The following SH3RF1 variants were observed in gnomAD, a reference collection of about 807,000 sequenced individuals.
SH3RF1 encodes E3 ubiquitin-protein ligase SH3RF1.
A neutral mutation model predicts 74.0 loss-of-function variants in SH3RF1; 32 were observed. The observed-to-expected ratio is 0.43, with a 90% confidence interval of 0.33 to 0.58. The LOEUF is 0.58. SH3RF1 is among the 20% of genes least tolerant of loss of function. The pLI is 0.05. For missense variants in SH3RF1, 954 were observed against 1,130.9 expected, an observed-to-expected ratio of 0.84 and a Z score of 2.24; for synonymous variants, 396 against 439.6, an observed-to-expected ratio of 0.90 and a Z score of 1.24.
intron 2 of SH3RF1, among the ~76,000 whole-genome samples, chr4:169,184,084 C>A (rs1366500139): frequency 6.6e-6 from 1 of 152,172 alleles, no homozygotes; most frequent in Admixed American, 6.5e-5. Context: ...AGGACTAATG[C>A]AAATTCACTC....
rs762718410 is a variant in SH3RF1 at position 169,117,543 on chromosome 4, G to A, written c.1757C>T (p.Ala586Val). 1 of 1,614,204 alleles carries A rather than the reference G, an allele frequency of 6.2e-7. No individual in the cohort carries two copies. Among genetic ancestry groups the A allele is most frequent in the South Asian group, 1.1e-5 (1 of 91,080 alleles). ...CTTACCTGTCCTCACAGCATTGCGG[G>A]CCTGGTTGACTGTCATTTGCCCCGT... ...HMTGQMTVNQARNAVRTVAAH... is the reference protein window; with the variant it reads ...HMTGQMTVNQVRNAVRTVAAH... Residue 586 changes from alanine (A) to valine (V), a missense_variant, in exon 9 of 12, where the codon GCC becomes GTC. Coordinates refer to ENST00000284637, the MANE Select transcript of SH3RF1 (RefSeq NM_020870.4).
intron 2 of SH3RF1, among the ~76,000 whole-genome samples, chr4:169,228,158 A>C (rs1036730848): frequency 1.1e-4 from 17 of 152,242 alleles, no homozygotes; most frequent in African/African-American, 4.1e-4. Context: ...TACCTTCTGC[A>C]AGAATTAAAA....
chr4:169,157,871 G>C (rs946016694), intron 2 of SH3RF1, among the ~76,000 whole-genome samples: 5 of 151,910 alleles, frequency 3.3e-5, no homozygotes, highest in African/African-American at 4.8e-5. Context: ...CTCCCAAGTA[G>C]CTGGGATTGC....
At chr4:169,147,597 A>G (rs1030248471) in intron 4 of SH3RF1, among the ~76,000 whole-genome samples, 4 of 152,206 alleles carry the variant, frequency 2.6e-5, no homozygotes, top group Admixed American at 6.5e-5. Flanking sequence ...CTCTCAACAT[A>G]TGGAGGAATT....
chr4:169,246,904 T>C (rs1319553645), intron 2 of SH3RF1, among the ~76,000 whole-genome samples: 2 of 152,192 alleles, frequency 1.3e-5, no homozygotes, highest in South Asian at 2.1e-4. Context: ...AAAGAAAAAC[T>C]TGAATAATCT....
chr4:169,122,139 T>G lies in SH3RF1; in HGVS notation c.1307A>C (p.Asp436Ala). The G allele has an allele frequency of 6.2e-7, 1 of 1,613,028 alleles. No homozygotes were observed. Among genetic ancestry groups the G allele is most frequent in the Non-Finnish European group, 8.5e-7 (1 of 1,180,008 alleles). ...CTGCGGCCGTAAATGTGCAATCTGG[T>G]CAGTGGATCCTGCCATGGGCCTCGG... Reference protein sequence around the residue: ...MGPRPMAGSTDQIAHLRPQTR... With the variant: ...MGPRPMAGSTAQIAHLRPQTR... The change falls in exon 7 of 12, where the codon GAC (aspartate) becomes GCC (alanine). Residue 436 changes from aspartate (D) to alanine (A), a missense_variant. By Grantham distance (126) the Asp-to-Ala change is moderately radical. Around this residue, in one of 3 missense-constraint regions of SH3RF1, gnomAD observed 854 missense variants for 962.5 expected, o/e 0.89. Transcript: ENST00000284637.
At chr4:169,227,010 T>A (rs1730661792) in intron 2 of SH3RF1, among the ~76,000 whole-genome samples, 1 of 151,776 alleles carries the variant, frequency 6.6e-6, no homozygotes, top group South Asian at 2.1e-4. Context: ...CTATAAAAAG[T>A]GAAAAACTAG....
chr4:169,235,967 C>T (rs1730817676), intron 2 of SH3RF1, among the ~76,000 whole-genome samples: 1 of 152,226 alleles, frequency 6.6e-6, no homozygotes. Flanking sequence ...AGGCGTGAGC[C>T]ACCGTGCCTG....
chr4:169,221,938 T>C (rs1373607750), intron 2 of SH3RF1, among the ~76,000 whole-genome samples: 1 of 152,220 alleles, frequency 6.6e-6, no homozygotes, highest in Non-Finnish European at 1.5e-5. Context: ...GACTATGTAA[T>C]ACAAACTTCT....
intron 2 of SH3RF1, among the ~76,000 whole-genome samples, chr4:169,205,670 A>G (rs187844618): frequency 8.5e-5 from 13 of 152,316 alleles, no homozygotes; most frequent in African/African-American, 2.6e-4. Flanking sequence ...AAGGAGCCCA[A>G]TGAATGACGT....
chr4:169,205,403 A>C (rs923973066), intron 2 of SH3RF1, among the ~76,000 whole-genome samples: 3 of 152,214 alleles, frequency 2.0e-5, no homozygotes, highest in Non-Finnish European at 4.4e-5. Flanking sequence ...TCCCACTGAT[A>C]AGGTAGTAAT....
At chr4:169,102,545 C>T (rs947473036) in intron 11 of SH3RF1, among the ~76,000 whole-genome samples, 2 of 151,868 alleles carry the variant, frequency 1.3e-5, no homozygotes, top group African/African-American at 4.8e-5. Flanking sequence ...GGAAGAAAAA[C>T]CTGTCATATA....
At chr4:169,249,512 C>G (rs1731062443) in intron 2 of SH3RF1, among the ~76,000 whole-genome samples, 1 of 152,188 alleles carries the variant, frequency 6.6e-6, no homozygotes, top group South Asian at 2.1e-4. Flanking sequence ...ACAAATTTCC[C>G]AGTCTCTAGT....
In SH3RF1 at chr4:169,130,093, G is replaced by A. The variant is rs768468340; in HGVS notation, c.1132C>T (p.Pro378Ser). ...ACATCTGATGGGAAAGTAAACGAGG[G>A]GCCAGTTGTCACTGGGCTGCTTGGG... ...PPPSSPVTTG[P>S]SFTFPSDVPY... The change falls in exon 6 of 12, where the codon CCC (proline) becomes TCC (serine). Residue 378 changes from proline (P) to serine (S), a missense_variant. Coordinates refer to ENST00000284637, the MANE Select transcript of SH3RF1 (RefSeq NM_020870.4). 8.1e-6 allele frequency: 13 copies of A among 1,612,806 alleles called. No individual in the cohort carries two copies. In the Admixed American group the frequency reaches 1.0e-4, roughly 12 times the overall value.
intron 11 of SH3RF1, 138 bp from the exon 12 acceptor site, chr4:169,096,825 A>T: frequency 1.2e-6 from 1 of 852,028 alleles, no homozygotes; most frequent in Non-Finnish European, 1.8e-6. Flanking sequence ...AACTCAAAAT[A>T]CTGCTATTTT....
chr4:169,169,426 G>A (rs544876593), intron 2 of SH3RF1, among the ~76,000 whole-genome samples: 7 of 152,062 alleles, frequency 4.6e-5, no homozygotes, highest in African/African-American at 1.7e-4. Flanking sequence ...GCAAAACCCT[G>A]TCTCTACTAA....
chr4:169,136,253 C>T, intron 5 of SH3RF1, 65 bp downstream of exon 5: 1 of 1,350,652 alleles, frequency 7.4e-7, no homozygotes, highest in African/African-American at 1.5e-5. Flanking sequence ...AGTGAGCAAA[C>T]ATGTTTGTAA....
chr4:169,228,469 T>TGGGGCCC (rs1225655191), intron 2 of SH3RF1, among the ~76,000 whole-genome samples: 3 of 152,180 alleles, frequency 2.0e-5, no homozygotes, highest in Non-Finnish European at 1.5e-5. Flanking sequence ...TCACTTGCCT[T>TGGGGCCC]GGGGCCCCTT....
chr4:169,223,639 T>C (rs1253752169), intron 2 of SH3RF1, among the ~76,000 whole-genome samples: 2 of 152,220 alleles, frequency 1.3e-5, no homozygotes, highest in East Asian at 1.9e-4. Context: ...ATTATGTCCT[T>C]CTTTCCATGT....
Sources: allele counts gnomAD v4.1 joint callset (sites outside exome capture counted in the v4.1 genomes callset), GRCh38; gene constraint gnomAD v4.1.1; regional missense constraint gnomAD v4.1.1; transcripts MANE v1.5; gene names NCBI Gene and HGNC (gene_info 2026-07-23, HGNC 2026-07-21).